The following A2ML1 variants were observed in gnomAD, a reference collection of about 807,000 sequenced individuals.
A2ML1 encodes the protein alpha-2-macroglobulin like 1.
A neutral mutation model predicts 181.9 loss-of-function variants in A2ML1; 161 were observed. That is an observed-to-expected ratio of 0.89 (90% CI 0.78 to 1.01). A2ML1 has a LOEUF of 1.01. A2ML1 is among the 50% of genes least tolerant of loss of function. The pLI, the probability that A2ML1 is intolerant of heterozygous loss-of-function variation, is 0.00. For missense variants in A2ML1, 1,670 were observed against 1,768.1 expected (o/e 0.94, Z 1.00); for synonymous variants, 663 against 666.8 (o/e 0.99, Z 0.09).
At chr12:8,841,840 T>G (rs1323831396) in intron 11 of A2ML1, among the ~76,000 whole-genome samples, 1 of 152,066 alleles carries the variant, frequency 6.6e-6, no homozygotes, top group Non-Finnish European at 1.5e-5. Flanking sequence ...TGACTCAGAG[T>G]CTTTTTCTTT....
At chr12:8,875,909 A>G (rs1944787186) in intron 35 of A2ML1, 149 bp from the exon 36 acceptor site, 2 of 152,206 alleles carry the variant, frequency 1.3e-5, no homozygotes, top group African/African-American at 4.8e-5. Context: ...CTGATTCTAC[A>G]CCTGTGAGAT....
intron 7 of A2ML1, 82 bp from the exon 8 acceptor site, chr12:8,837,357 GA>G: frequency 6.4e-7 from 1 of 1,562,036 alleles, no homozygotes; most frequent in Non-Finnish European, 8.7e-7. Flanking sequence ...TGGAGTGTGA[GA>G]GGGAAGAAGT....
At position 8,843,096 on chromosome 12, in the gene A2ML1, G is replaced by A. The variant is rs754120848; in HGVS notation, c.1249-38G>A. 4 of 1,583,230 alleles carry A rather than the reference G, an allele frequency of 2.5e-6. No individual in the cohort carries two copies. In the South Asian group the frequency reaches 3.3e-5, roughly 13 times the overall value. On this transcript the variant is annotated intron_variant, in intron 11 of 35. Transcript: ENST00000299698. ...AGTCCGTGGGGTTTCCATGGTTGGA[G>A]CACATGCTAAAATTCTCTCTCTCTC...
In A2ML1 at chr12:8,861,188, G is replaced by A. The variant is rs370779068; in HGVS notation, c.3393G>A (p.Thr1131=). Residue 1131 remains threonine, a synonymous_variant, in exon 28 of 36, where the codon ACG becomes ACA. Transcript: ENST00000299698. The part of the protein sequence containing the change: ...LRCLKNSATS[T]TNLYTQALLA... ...GTCTCAAGAATTCGGCCACCTCCACGACCAACCTCTACACACAGGCCCTGT... is the reference window on the plus strand; with the variant it reads ...GTCTCAAGAATTCGGCCACCTCCACAACCAACCTCTACACACAGGCCCTGT... 1.3e-5 allele frequency: 21 copies of A among 1,613,640 alleles called. No homozygotes were observed. Among genetic ancestry groups the A allele is most frequent in the Middle Eastern group, 1.6e-4 (1 of 6,084 alleles).
At chr12:8,848,146 A>T (rs1392153306) in intron 15 of A2ML1, among the ~76,000 whole-genome samples, 1 of 151,400 alleles carries the variant, frequency 6.6e-6, no homozygotes, top group Non-Finnish European at 1.5e-5. Flanking sequence ...AAAAAAAAAA[A>T]ACAAAAACAA....
At chr12:8,825,920 G>A (rs977004282) in intron 3 of A2ML1, among the ~76,000 whole-genome samples, 7 of 152,042 alleles carry the variant, frequency 4.6e-5, no homozygotes, top group African/African-American at 1.7e-4. Context: ...CATGTTTCTG[G>A]GTTCTCTATT....
chr12:8,860,705 T>C (rs1944225209), intron 26 of A2ML1, among the ~76,000 whole-genome samples, 176 bp from the exon 27 acceptor site: 1 of 152,168 alleles, frequency 6.6e-6, no homozygotes, highest in African/African-American at 2.4e-5. Context: ...TGTTCCCTCT[T>C]TGTGTGTCCT....
chr12:8,839,326 TA>T (rs1472715410), intron 10 of A2ML1, 104 bp downstream of exon 10: 2 of 692,474 alleles, frequency 2.9e-6, no homozygotes, highest in Admixed American at 5.4e-5. Context: ...CTGTTCCAAG[TA>T]CTTTATGTGT....
chr12:8,853,010 A>T (rs1943944274), intron 20 of A2ML1, among the ~76,000 whole-genome samples: 2 of 151,754 alleles, frequency 1.3e-5, no homozygotes, highest in South Asian at 4.2e-4. Context: ...ATTTTTTTTT[A>T]GAGAGACAAG....
intron 16 of A2ML1, among the ~76,000 whole-genome samples, chr12:8,849,362 G>A (rs977937643): frequency 7.9e-5 from 12 of 152,138 alleles, no homozygotes; most frequent in Admixed American, 2.6e-4. Flanking sequence ...AATTGAGTAC[G>A]CTGATATGGT....
In A2ML1 at chr12:8,841,446, C is replaced by A; in HGVS notation, c.1158C>A (p.Thr386=). 4 of 1,614,116 alleles carry A rather than the reference C, an allele frequency of 2.5e-6. No homozygotes were observed. Among genetic ancestry groups the A allele is most frequent in the Non-Finnish European group, 3.4e-6 (4 of 1,180,012 alleles). Residue 386 remains threonine, a synonymous_variant, in exon 11 of 36, where the codon ACC becomes ACA. Coordinates refer to ENST00000299698, the MANE Select transcript of A2ML1 (RefSeq NM_144670.6). ...VFLVIYGTNG[T]FNQTLVTDNN... is the part of the protein sequence containing the mutation. ...TGGTGATTTATGGCACAAATGGAAC[C>A]TTCAACCAGACCCTGGTTACTGATA... is the stretch of plus-strand genomic sequence containing the variant.
intron 31 of A2ML1, 86 bp from the exon 32 acceptor site, chr12:8,868,451 T>TAC: frequency 1.4e-6 from 2 of 1,472,116 alleles, no homozygotes; most frequent in Non-Finnish European, 1.8e-6. Context: ...TGTATGTGTG[T>TAC]GTGTACGTGT....
At chr12:8,846,304 A>G in intron 14 of A2ML1, 82 bp downstream of exon 14, 1 of 1,498,880 alleles carries the variant, frequency 6.7e-7, no homozygotes, top group Non-Finnish European at 9.3e-7. Flanking sequence ...GAAACAAGAC[A>G]AGTCAGGGAA....
Position 8,852,390 on chromosome 12 carries a change from G to T in A2ML1, c.2590+54G>T. ...GGAAAGCCAGCAGCAGAAGACCAGTGACTGAGCACTCAGTCTTTTCCTCTG... is the reference window on the plus strand; with the variant it reads ...GGAAAGCCAGCAGCAGAAGACCAGTTACTGAGCACTCAGTCTTTTCCTCTG... On this transcript the variant is annotated intron_variant, in intron 20 of 35. Transcript: ENST00000299698. This position sits in a 1 kb window ranked among gnomAD's most constrained non-coding sequence, Gnocchi z 4.2. The T allele has an allele frequency of 1.2e-6, 2 of 1,607,244 alleles. No homozygotes were observed. The highest frequency in any genetic ancestry group is 2.2e-5 in the South Asian group (2 of 89,962).
At chr12:8,853,374 A>T (rs1484074396) in intron 20 of A2ML1, among the ~76,000 whole-genome samples, 1 of 152,234 alleles carries the variant, frequency 6.6e-6, no homozygotes, top group Admixed American at 6.5e-5. Flanking sequence ...TGATTTTCAT[A>T]TGTATGAGTT....
At chr12:8,849,021 G>A (rs1372730320) in intron 16 of A2ML1, 107 bp downstream of exon 16, 6 of 1,250,940 alleles carry the variant, frequency 4.8e-6, no homozygotes, top group African/African-American at 1.5e-5. Context: ...GCACTGATGG[G>A]AACAAAATCT....
downstream of A2ML1, among the ~76,000 whole-genome samples, chr12:8,877,943 T>A (rs2137007601): frequency 6.6e-6 from 1 of 152,306 alleles, no homozygotes; most frequent in Middle Eastern, 3.4e-3. Flanking sequence ...TAGATGTTCA[T>A]CAATGGTAGA....
chr12:8,854,977 C>T, intron 22 of A2ML1, 146 bp downstream of exon 22: 1 of 802,942 alleles, frequency 1.2e-6, no homozygotes, highest in Non-Finnish European at 2.0e-6. Flanking sequence ...TCATTGCAAC[C>T]TCTGCCTCCC....
intron 15 of A2ML1, among the ~76,000 whole-genome samples, chr12:8,847,988 A>G (rs75083668): frequency 2.3e-5 from 1 of 43,782 alleles, no homozygotes; most frequent in African/African-American, 6.5e-5. Flanking sequence ...AAAAATCCAG[A>G]AAAAAAAAAA....
Sources: allele counts gnomAD v4.1 joint callset (sites outside exome capture counted in the v4.1 genomes callset), GRCh38; gene constraint gnomAD v4.1.1; non-coding constraint Gnocchi (gnomAD v3.1); transcripts MANE v1.5; gene names NCBI Gene and HGNC (gene_info 2026-07-23, HGNC 2026-07-21).